Variants in LGR5 observed in about 807,000 individuals in gnomAD.
The protein encoded by LGR5 is leucine-rich repeat-containing G protein-coupled receptor 5.
Under a neutral mutation model 76.7 loss-of-function variants are expected in LGR5, and 54 were observed. That is an observed-to-expected ratio of 0.70 (90% CI 0.57 to 0.88). The LOEUF (loss-of-function observed/expected upper bound fraction) is 0.88, where lower values mean the gene tolerates loss of function less well. Among genes scored for constraint, LGR5 ranks in the 40% least tolerant of loss-of-function variants. The pLI, the probability that LGR5 is intolerant of heterozygous loss-of-function variation, is 0.00. For missense variants in LGR5, 1,078 were observed against 1,073.3 expected (o/e 1.00, Z -0.06); for synonymous variants, 406 against 421.9 (o/e 0.96, Z 0.46).
chr12:71,583,956 A>G lies in LGR5; in HGVS notation c.1946A>G (p.Glu649Gly), dbSNP rs757023727. ...VIGFLSIFAS[E>G]SSVFLLTLAA... Reference sequence around the variant, plus strand: ...GGTTTTTTGTCCATTTTTGCTTCAGAATCATCTGTTTTCCTGCTTACTCTG... The same window carrying G: ...GGTTTTTTGTCCATTTTTGCTTCAGGATCATCTGTTTTCCTGCTTACTCTG... The change falls in exon 18 of 18, where the codon GAA becomes GGA. Residue 649 changes from glutamate (E) to glycine (G), a missense_variant. Transcript: ENST00000266674. The G allele has an allele frequency of 1.2e-6, 2 of 1,613,994 alleles. No homozygotes were observed. Among genetic ancestry groups the G allele is most frequent in the East Asian group, 2.2e-5 (1 of 44,868 alleles).
chr12:71,565,183 G>A (rs1353253674), intron 8 of LGR5, among the ~76,000 whole-genome samples: 1 of 151,906 alleles, frequency 6.6e-6, no homozygotes, highest in African/African-American at 2.4e-5. Context: ...ATTTAGGTTT[G>A]TTGGGTAGCA....
rs1879252695 is a variant in LGR5 at position 71,584,741 on chromosome 12, T to C, written c.*7T>C. On this transcript the variant is annotated 3_prime_UTR_variant, in exon 18 of 18. Transcript: ENST00000266674. Reference sequence around the variant, plus strand: ...ATTTGTCCCATGTCTCTAATTAATATGTGAAGGAAAATGTTTTCAAAGGTT... The same window carrying C: ...ATTTGTCCCATGTCTCTAATTAATACGTGAAGGAAAATGTTTTCAAAGGTT... 1.2e-6 allele frequency: 2 copies of C among 1,603,154 alleles called. No homozygotes were observed. The highest frequency in any genetic ancestry group is 1.7e-6 in the Non-Finnish European group (2 of 1,172,126).
chr12:71,582,439 G>C lies in LGR5; in HGVS notation c.1553-17G>C. ...AGAGAGTCAGAACTAATCATTCCAGGACTTCTTGTGCTGCAGATGAACGTG... is the reference window on the plus strand; with the variant it reads ...AGAGAGTCAGAACTAATCATTCCAGCACTTCTTGTGCTGCAGATGAACGTG... On this transcript the variant is annotated splice_polypyrimidine_tract_variant and intron_variant, in intron 16 of 17. Coordinates refer to ENST00000266674, the MANE Select transcript of LGR5 (RefSeq NM_003667.4). 6.2e-7 allele frequency: 1 copy of C among 1,610,330 alleles called. No individual in the cohort carries two copies. The highest frequency in any genetic ancestry group is 8.5e-7 in the Non-Finnish European group (1 of 1,176,658).
At chr12:71,536,780 T>C (rs1876613350) in intron 4 of LGR5, among the ~76,000 whole-genome samples, 1 of 152,230 alleles carries the variant, frequency 6.6e-6, no homozygotes, top group Non-Finnish European at 1.5e-5. Context: ...CATGAATCTT[T>C]TGTTCACTGG....
chr12:71,463,556 C>A (rs1387260671), intron 1 of LGR5, among the ~76,000 whole-genome samples: 1 of 152,148 alleles, frequency 6.6e-6, no homozygotes, highest in Non-Finnish European at 1.5e-5. Context: ...GTACTCAGTA[C>A]AGCACCTAGC....
At chr12:71,468,709 C>CTT (rs538254378) in intron 1 of LGR5, among the ~76,000 whole-genome samples, 1,081 of 69,382 alleles carry the variant, frequency 0.016, 16 homozygotes, top group African/African-American at 0.021. Context: ...GTGGTAGCCT[C>CTT]TTTTTTTTTT....
intron 1 of LGR5, among the ~76,000 whole-genome samples, chr12:71,496,729 T>C (rs962539796): frequency 2.4e-4 from 36 of 152,182 alleles, no homozygotes; most frequent in African/African-American, 8.7e-4. Flanking sequence ...GGTGTAATGA[T>C]AAAATGAAAC....
At chr12:71,446,250 G>A (rs1871984771) in intron 1 of LGR5, among the ~76,000 whole-genome samples, 1 of 152,164 alleles carries the variant, frequency 6.6e-6, no homozygotes, top group Admixed American at 6.5e-5. Context: ...CACAATTATT[G>A]TCCAGCCCCA....
chr12:71,534,298 A>T (rs1245476621), intron 3 of LGR5, among the ~76,000 whole-genome samples: 2 of 152,210 alleles, frequency 1.3e-5, no homozygotes, highest in Non-Finnish European at 2.9e-5. Flanking sequence ...TTTATTTCAT[A>T]GCTTCCAGGC....
At chr12:71,517,900 G>A (rs1039362088) in intron 2 of LGR5, among the ~76,000 whole-genome samples, 2 of 151,996 alleles carry the variant, frequency 1.3e-5, no homozygotes, top group African/African-American at 4.8e-5. Context: ...GCTCCTCTTT[G>A]ACTGCCTACA....
At chr12:71,548,885 C>T (rs1356613726) in intron 4 of LGR5, among the ~76,000 whole-genome samples, 1 of 151,936 alleles carries the variant, frequency 6.6e-6, no homozygotes, top group Non-Finnish European at 1.5e-5. Context: ...ATAACAAAGA[C>T]ATACTTAAAA....
intron 10 of LGR5, 56 bp from the exon 11 acceptor site, chr12:71,566,785 T>G: frequency 6.3e-7 from 1 of 1,582,040 alleles, no homozygotes; most frequent in Non-Finnish European, 8.7e-7. Flanking sequence ...TGAGTCAAAA[T>G]ATGTCACTGT....
At chr12:71,553,539 G>A (rs1293132737) in intron 5 of LGR5, among the ~76,000 whole-genome samples, 1 of 152,138 alleles carries the variant, frequency 6.6e-6, no homozygotes, top group African/African-American at 2.4e-5. Flanking sequence ...GTGCCTTAGA[G>A]AAGCCCCTTG....
rs140402229 is a variant in LGR5 at position 71,518,568 on chromosome 12, AT to A, written c.285-5836del. 4.4e-3 allele frequency among the ~76,000 whole-genome samples: 671 copies of A among 152,368 alleles called. 6 individuals are homozygous for A. Among genetic ancestry groups the A allele is most frequent in the African/African-American group, 0.015 (633 of 41,598 alleles). On this transcript the variant is annotated intron_variant, in intron 2 of 17. Transcript: ENST00000266674. ...GAATGCATATGCTCATTGCAGCACG[AT>A]TCGCAATACCAAAGACATGAAATCA...
At chr12:71,486,088 A>G (rs1873813136) in intron 1 of LGR5, among the ~76,000 whole-genome samples, 1 of 152,110 alleles carries the variant, frequency 6.6e-6, no homozygotes, top group Admixed American at 6.5e-5. Context: ...TTTAAGATCT[A>G]GCTGGTTTTA....
chr12:71,556,159 G>A (rs1455831678), intron 5 of LGR5, among the ~76,000 whole-genome samples: 1 of 152,084 alleles, frequency 6.6e-6, no homozygotes, highest in East Asian at 1.9e-4. Context: ...AACACACGCT[G>A]GGGCCTCTCA....
At chr12:71,498,834 C>T (rs550177400) in intron 1 of LGR5, among the ~76,000 whole-genome samples, 6 of 152,194 alleles carry the variant, frequency 3.9e-5, no homozygotes, top group South Asian at 2.1e-4. Flanking sequence ...CTTGGTGGTC[C>T]GAAGAATCCC....
At position 71,585,151 on chromosome 12, in the gene LGR5, A is replaced by G. The variant is rs1217210510; in HGVS notation, c.*417A>G. The G allele has an allele frequency of 6.1e-6, 1 of 164,430 alleles. No individual in the cohort carries two copies. Among genetic ancestry groups the G allele is most frequent in the Admixed American group, 5.7e-5 (1 of 17,398 alleles). 10.2% of individuals were successfully genotyped at this position (164,430 alleles called of 1,614,324 possible). A position where few individuals can be genotyped will look rare whatever the true frequency, so the allele number is the denominator to read the frequency against. On this transcript the variant is annotated 3_prime_UTR_variant, in exon 18 of 18. Transcript: ENST00000266674. ...AAGAGGTTGTTGGGGGAATTAGGAA[A>G]ATAAGGGTTTTCAATGACCTACATT...
At chr12:71,460,055 C>A (rs1252820870) in intron 1 of LGR5, among the ~76,000 whole-genome samples, 1 of 152,000 alleles carries the variant, frequency 6.6e-6, no homozygotes, top group South Asian at 2.1e-4. Context: ...ATCATTCACT[C>A]CACTTGGAGT....
Sources: gnomAD v4.1 joint callset for allele counts (sites outside exome capture counted in the v4.1 genomes callset) on GRCh38, gnomAD v4.1.1 for gene constraint, MANE v1.5 for transcripts, NCBI Gene and HGNC (gene_info 2026-07-23, HGNC 2026-07-21) for gene names.